The following RASAL2 variants were observed in gnomAD, a reference collection of about 807,000 sequenced individuals.
The protein encoded by RASAL2 is ras GTPase-activating protein nGAP.
RASAL2 carries 58 observed loss-of-function variants against 128.9 expected under a neutral mutation model. The observed-to-expected ratio is 0.45, with a 90% confidence interval of 0.36 to 0.56. The LOEUF (loss-of-function observed/expected upper bound fraction) is 0.56. Among genes scored for constraint, RASAL2 ranks in the 20% least tolerant of loss-of-function variants. The pLI, the probability that RASAL2 is intolerant of heterozygous loss-of-function variation, is 0.00. For synonymous variants in RASAL2, 561 were observed against 580.8 expected (o/e 0.97, Z 0.49); for missense variants, 1,360 against 1,601.6 (o/e 0.85, Z 2.57).
rs1484413737 is a variant in RASAL2 at position 178,476,830 on chromosome 1, GTTC to G, written c.*3597_*3599del. The G allele has an allele frequency of 1.3e-5, 2 of 152,200 alleles. No individual in the cohort carries two copies. Among genetic ancestry groups the G allele is most frequent in the Non-Finnish European group, 2.9e-5 (2 of 68,042 alleles). 9.4% of individuals were successfully genotyped at this position (152,200 alleles called of 1,614,324 possible). A position where few individuals can be genotyped will look rare whatever the true frequency, so the allele number is the denominator to read the frequency against. On this transcript the variant is annotated 3_prime_UTR_variant, in exon 18 of 18. Coordinates refer to ENST00000367649, the MANE Select transcript of RASAL2 (RefSeq NM_170692.4). ...AGAGGTACACCAGATTGAGAGCAGA[GTTC>G]TTCTTTGGAAGTCCCAGAGCAAAAT... is the stretch of plus-strand genomic sequence containing the variant.
intron 1 of RASAL2, among the ~76,000 whole-genome samples, chr1:178,216,170 C>T (rs1273617161): frequency 1.3e-5 from 2 of 152,160 alleles, no homozygotes; most frequent in Admixed American, 1.3e-4. Flanking sequence ...TTAATAACAT[C>T]TCATCATCAA....
intron 15 of RASAL2, among the ~76,000 whole-genome samples, chr1:178,465,613 A>G (rs1211027405): frequency 6.6e-6 from 1 of 152,064 alleles, no homozygotes; most frequent in Non-Finnish European, 1.5e-5. Flanking sequence ...ATGGTAGCCT[A>G]GTGTAGAGAG....
chr1:178,241,479 T>G (rs940189918), intron 1 of RASAL2, among the ~76,000 whole-genome samples: 14 of 152,214 alleles, frequency 9.2e-5, no homozygotes, highest in African/African-American at 3.4e-4. Context: ...TAAGCTCTTT[T>G]CTCATCTTTT....
intron 1 of RASAL2, among the ~76,000 whole-genome samples, chr1:178,167,058 A>C (rs1661542210): frequency 6.6e-6 from 1 of 152,092 alleles, no homozygotes; most frequent in Non-Finnish European, 1.5e-5. Context: ...TCAAACAAAA[A>C]ATTTCCTAAC....
At chr1:178,322,113 A>G (rs1319585648) in intron 3 of RASAL2, among the ~76,000 whole-genome samples, 3 of 151,966 alleles carry the variant, frequency 2.0e-5, no homozygotes, top group Admixed American at 2.0e-4. Flanking sequence ...GAATACAGGT[A>G]CAAGCCACTG....
intron 1 of RASAL2, among the ~76,000 whole-genome samples, chr1:178,281,360 C>T (rs1039189074): frequency 3.3e-5 from 5 of 151,788 alleles, no homozygotes; most frequent in African/African-American, 1.2e-4. Flanking sequence ...GTCTTGTTTT[C>T]ACAATACCAT....
intron 3 of RASAL2, among the ~76,000 whole-genome samples, chr1:178,311,812 AAAAC>A (rs1309359001): frequency 6.6e-6 from 1 of 152,018 alleles, no homozygotes; most frequent in Non-Finnish European, 1.5e-5. Flanking sequence ...GAGAGAGACT[AAAAC>A]ATACAAAAAA....
chr1:178,293,410 A>G lies in RASAL2; in HGVS notation c.331-6582A>G, dbSNP rs1166397026. The stretch of plus-strand genomic sequence containing the variant: ...TTATAAATATTAATCTGTAGGACGT[A>G]TTGGAAGAACAAGACACAGGAAACA... On this transcript the variant is annotated intron_variant, in intron 2 of 17. Transcript: ENST00000367649. Among the ~76,000 whole-genome samples, 8 of 152,372 alleles carry G rather than the reference A, an allele frequency of 5.3e-5. No individual in the cohort carries two copies. In the East Asian group the frequency reaches 1.5e-3, roughly 29 times the overall value.
chr1:178,320,748 G>A (rs867379160), intron 3 of RASAL2, among the ~76,000 whole-genome samples: 27 of 152,318 alleles, frequency 1.8e-4, no homozygotes, highest in Middle Eastern at 3.4e-3. Context: ...GAAATCACCC[G>A]TCTTCTGCCT....
intron 2 of RASAL2, among the ~76,000 whole-genome samples, chr1:178,284,770 G>A (rs1412039159): frequency 6.6e-6 from 1 of 152,088 alleles, no homozygotes; most frequent in African/African-American, 2.4e-5. Flanking sequence ...TGACAAAGAA[G>A]AGGAATAATG....
intron 3 of RASAL2, among the ~76,000 whole-genome samples, chr1:178,320,329 G>A (rs1228861625): frequency 2.6e-5 from 4 of 152,226 alleles, no homozygotes; most frequent in African/African-American, 7.2e-5. Context: ...CACCCAGTTC[G>A]AGCTTCCCGG....
At chr1:178,412,004 C>T in intron 4 of RASAL2, 1 of 535,526 alleles carries the variant, frequency 1.9e-6, no homozygotes, top group Admixed American at 2.8e-5. Context: ...TCGCTGTGGT[C>T]ACCGTCTGTG....
chr1:178,463,759 C>T (rs966062156), intron 14 of RASAL2, among the ~76,000 whole-genome samples: 2 of 152,090 alleles, frequency 1.3e-5, no homozygotes, highest in Non-Finnish European at 2.9e-5. Context: ...TTGCACCAAC[C>T]TAGTATTTGC....
intron 1 of RASAL2, among the ~76,000 whole-genome samples, chr1:178,234,714 A>T (rs1417973095): frequency 6.6e-6 from 1 of 152,130 alleles, no homozygotes; most frequent in African/African-American, 2.4e-5. Context: ...ACCAGCTGAG[A>T]TCATTTTTTG....
chr1:178,240,350 G>A (rs1164734173), intron 1 of RASAL2, among the ~76,000 whole-genome samples: 1 of 152,034 alleles, frequency 6.6e-6, no homozygotes, highest in Admixed American at 6.6e-5. Context: ...TTAGCCAAAA[G>A]GAACTTAATA....
At chr1:178,189,435 A>G (rs1662415042) in intron 1 of RASAL2, among the ~76,000 whole-genome samples, 1 of 152,222 alleles carries the variant, frequency 6.6e-6, no homozygotes, top group Non-Finnish European at 1.5e-5. Context: ...ATCCTGAGTC[A>G]TTGGTCTTAT....
intron 4 of RASAL2, among the ~76,000 whole-genome samples, chr1:178,412,984 TTTTCTTTCTTTCTC>T (rs1302977706): frequency 1.3e-5 from 2 of 151,730 alleles, no homozygotes; most frequent in African/African-American, 2.4e-5. Flanking sequence ...CTTTCTTTCT[TTTTCTTTCTTTCTC>T]TTTCTTTCTT....
In RASAL2 at chr1:178,281,801, C is replaced by T. The variant is rs1435267013; in HGVS notation, c.203-1763C>T. The stretch of plus-strand genomic sequence containing the variant: ...GTATTTGACTCTAAAAATAGGCCTA[C>T]GTGTGGTAAAATTGTAACCCATATT... On this transcript the variant is annotated intron_variant, in intron 1 of 17. Transcript: ENST00000367649. Among the ~76,000 whole-genome samples the T allele has an allele frequency of 1.1e-4, 17 of 152,064 alleles. No individual in the cohort carries two copies. The East Asian group carries it at 2.3e-3, about 21-fold the overall frequency.
At chr1:178,099,342 A>T (rs1658806570) in intron 1 of RASAL2, among the ~76,000 whole-genome samples, 1 of 152,230 alleles carries the variant, frequency 6.6e-6, no homozygotes, top group Non-Finnish European at 1.5e-5. Flanking sequence ...ACATTAAAAC[A>T]CATTAAGAAT....
Sources: allele counts gnomAD v4.1 joint callset (sites outside exome capture counted in the v4.1 genomes callset), GRCh38; gene constraint gnomAD v4.1.1; transcripts MANE v1.5; gene names NCBI Gene and HGNC (gene_info 2026-07-23, HGNC 2026-07-21).